INTS6: variants seen among roughly 807,000 people sequenced by gnomAD.
The protein encoded by INTS6 is DEAD box protein.
INTS6 carries 16 observed loss-of-function variants against 104.9 expected under a neutral mutation model. The ratio of observed to expected loss-of-function variants is 0.15; its 90% CI spans 0.10 to 0.23. The LOEUF is 0.23. INTS6 is among the 10% of genes least tolerant of loss of function. The pLI, the probability that INTS6 is intolerant of heterozygous loss-of-function variation, is 1.00. For synonymous variants in INTS6, 324 were observed against 358.7 expected, an observed-to-expected ratio of 0.90 and a Z score of 1.09; for missense variants, 584 against 1,062.8, an observed-to-expected ratio of 0.55 and a Z score of 6.26.
At chr13:51,367,230 A>G (rs1051919776) in intron 17 of INTS6, among the ~76,000 whole-genome samples, 1 of 151,134 alleles carries the variant, frequency 6.6e-6, no homozygotes, top group African/African-American at 2.4e-5. Flanking sequence ...AAATGACAAG[A>G]AAAAAAAAGC....
In INTS6 at chr13:51,450,864, T is replaced by C. The variant is rs2277444; in HGVS notation, c.339+161A>G. The C allele has an allele frequency of 4.1e-5, 51 of 1,243,846 alleles. No homozygotes were observed. The African/African-American group carries it at 5.9e-4, about 14-fold the overall frequency. 77.1% of individuals were successfully genotyped at this position (1,243,846 alleles called of 1,614,324 possible). A position where few individuals can be genotyped will look rare whatever the true frequency, so the allele number is the denominator to read the frequency against. On this transcript the variant is annotated intron_variant, in intron 3 of 17. Coordinates refer to ENST00000311234, the MANE Select transcript of INTS6 (RefSeq NM_012141.3). Reference sequence around the variant, plus strand: ...GGGAAAAAATGAGGGATGTAAAATATATATAGTAGGGTAAGAGTTTTGCCT... The same window carrying C: ...GGGAAAAAATGAGGGATGTAAAATACATATAGTAGGGTAAGAGTTTTGCCT...
In INTS6 at chr13:51,452,427, C is replaced by T. The variant is rs1372514523; in HGVS notation, c.99G>A (p.Glu33=). The T allele has an allele frequency of 6.2e-7, 1 of 1,609,252 alleles. No individual in the cohort carries two copies. Among genetic ancestry groups the T allele is most frequent in the Non-Finnish European group, 8.5e-7 (1 of 1,177,548 alleles). The change falls in exon 1 of 18, where the codon GAG becomes GAA. Residue 33 remains glutamate (E), a synonymous_variant. Transcript: ENST00000311234. This position sits in a 1 kb window ranked among gnomAD's most constrained non-coding sequence, Gnocchi z 4.2. ...TYLDTAKGAV[E]TFMKLRARDP... Reference sequence around the variant, plus strand: ...GGTCAGTCGGTACCTTCATGAAGGTCTCTACCGCGCCTTTGGCCGTGTCCA... The same window carrying T: ...GGTCAGTCGGTACCTTCATGAAGGTTTCTACCGCGCCTTTGGCCGTGTCCA...
intron 4 of INTS6, among the ~76,000 whole-genome samples, chr13:51,418,429 C>A: frequency 6.6e-6 from 1 of 150,962 alleles, no homozygotes; most frequent in Non-Finnish European, 1.5e-5. Context: ...TACTATTATC[C>A]AATATAAGCA....
the INTS6 span, among the ~76,000 whole-genome samples, chr13:51,345,569 T>G: frequency 8.4e-6 from 1 of 118,498 alleles, no homozygotes; most frequent in African/African-American, 3.2e-5. Context: ...CACTCCAGCT[T>G]GGGCAACAGT....
chr13:51,435,313 A>G (rs1452490608), intron 3 of INTS6, among the ~76,000 whole-genome samples: 1 of 151,996 alleles, frequency 6.6e-6, no homozygotes, highest in Non-Finnish European at 1.5e-5. Context: ...TTCTAGCTCT[A>G]GAGCTACTTA....
chr13:51,339,054 G>A, the INTS6 span, among the ~76,000 whole-genome samples: 5 of 152,242 alleles, frequency 3.3e-5, no homozygotes, highest in East Asian at 5.8e-4. Context: ...GTGTCTACTC[G>A]TTGACAACAT....
chr13:51,400,243 T>G (rs1956411571), intron 4 of INTS6, among the ~76,000 whole-genome samples: 4 of 152,230 alleles, frequency 2.6e-5, no homozygotes, highest in African/African-American at 9.6e-5. Flanking sequence ...CCAAAAAGGT[T>G]GGGGACAGCT....
In INTS6 at chr13:51,369,184, A is replaced by G. The variant is rs146070799; in HGVS notation, c.2231T>C (p.Leu744Ser). The change falls in exon 16 of 18, where the codon TTA (leucine) becomes TCA (serine). Residue 744 changes from leucine to serine, a missense_variant. By Grantham distance (145) the Leu-to-Ser change is moderately radical. Transcript: ENST00000311234. ...CATATGATTGGTTGGCCGTTCCAGTAAACTGGCTGGAGAAGATGCTGAAAA... is the reference window on the plus strand; with the variant it reads ...CATATGATTGGTTGGCCGTTCCAGTGAACTGGCTGGAGAAGATGCTGAAAA... ...TEFSASSPAS[L>S]LERPTNHMEA... The G allele has an allele frequency of 1.1e-3, 1,752 of 1,613,914 alleles. 2 individuals are homozygous for G. The highest frequency in any genetic ancestry group is 1.4e-3 in the Non-Finnish European group (1,619 of 1,179,852).
chr13:51,364,523 C>T lies in INTS6; in HGVS notation c.*1229G>A. Reference sequence around the variant, plus strand: ...GCTTACCCCCCAAACCACTAAAAGGCACAGCAGTGATCATGAATGGTGAGT... The same window carrying T: ...GCTTACCCCCCAAACCACTAAAAGGTACAGCAGTGATCATGAATGGTGAGT... On this transcript the variant is annotated 3_prime_UTR_variant, in exon 18 of 18. Transcript: ENST00000311234. 2.5e-6 allele frequency: 1 copy of T among 393,802 alleles called. No individual in the cohort carries two copies. Among genetic ancestry groups the T allele is most frequent in the East Asian group, 4.3e-5 (1 of 23,132 alleles). The allele number at this position is 393,802 out of a possible 1,614,324, so 24.4% of individuals were successfully genotyped here. A position where few individuals can be genotyped will look rare whatever the true frequency, so the allele number is the denominator to read the frequency against.
At chr13:51,390,104 T>C (rs1280063061) in intron 5 of INTS6, among the ~76,000 whole-genome samples, 1 of 152,052 alleles carries the variant, frequency 6.6e-6, no homozygotes, top group South Asian at 2.1e-4. Flanking sequence ...CATTAAATAC[T>C]AGTGATTTTT....
chr13:51,383,444 A>G lies in INTS6; in HGVS notation c.1065T>C (p.Ser355=). 7 of 1,613,852 alleles carry G rather than the reference A, an allele frequency of 4.3e-6. No individual in the cohort carries two copies. Among genetic ancestry groups the G allele is most frequent in the Non-Finnish European group, 5.9e-6 (7 of 1,179,888 alleles). The part of the protein sequence containing the change: ...QTCWQVYVSN[S]AKYSELGHPF... Reference sequence around the variant, plus strand: ...GATGACCAAGTTCACTGTATTTTGCACTATTGCTCACGTACACCTGTTAAA... The same window carrying G: ...GATGACCAAGTTCACTGTATTTTGCGCTATTGCTCACGTACACCTGTTAAA... Residue 355 remains serine (S), a synonymous_variant, in exon 9 of 18, where the codon AGT becomes AGC. Transcript: ENST00000311234.
chr13:51,439,299 C>T (rs1484461760), intron 3 of INTS6: 1 of 152,080 alleles, frequency 6.6e-6, no homozygotes, highest in African/African-American at 2.4e-5. Context: ...ACAGATAAAA[C>T]AGGCAATAAA....
chr13:51,433,546 A>G (rs1957135659), intron 3 of INTS6, among the ~76,000 whole-genome samples: 1 of 152,252 alleles, frequency 6.6e-6, no homozygotes. Flanking sequence ...GCAAGAGATT[A>G]ATCATACTTC....
chr13:51,363,340 C>T lies in INTS6; in HGVS notation c.*2412G>A, dbSNP rs889015761. 19 of 151,938 alleles carry T rather than the reference C, an allele frequency of 1.3e-4. No individual in the cohort carries two copies. Among genetic ancestry groups the T allele is most frequent in the African/African-American group, 4.6e-4 (19 of 41,418 alleles). The allele number at this position is 151,938 out of a possible 1,614,324, so 9.4% of individuals were successfully genotyped here. The stretch of plus-strand genomic sequence containing the variant: ...TCTAATAGTCCTTGTGACTTTACCT[C>T]TATCTGGGAGGCATTAGCCTACATC... On this transcript the variant is annotated 3_prime_UTR_variant, in exon 18 of 18. Transcript: ENST00000311234.
chr13:51,348,393 T>C, the INTS6 span: 3 of 1,613,592 alleles, frequency 1.9e-6, no homozygotes, highest in Non-Finnish European at 1.7e-6. Context: ...AGAGCCAGGA[T>C]GGATGTGTTC....
rs201277531 is a variant in INTS6, at chr13:51,429,785, AATAT to A, written c.429+505_429+508del. Among the ~76,000 whole-genome samples the A allele has an allele frequency of 3.6e-3, 333 of 92,264 alleles. 7 individuals carry two copies. The highest frequency in any genetic ancestry group is 6.1e-3 in the South Asian group (16 of 2,606). 60.5% of individuals were successfully genotyped at this position (92,264 alleles called of 152,430 possible). On this transcript the variant is annotated intron_variant, in intron 4 of 17. Coordinates refer to ENST00000311234, the MANE Select transcript of INTS6 (RefSeq NM_012141.3). ...TCTCAAAAAAAAAAAAAAAAAAAAA[AATAT>A]ATATATATATATATATATATGTATA...
At chr13:51,399,112 T>G (rs558255465) in intron 4 of INTS6, among the ~76,000 whole-genome samples, 29 of 152,234 alleles carry the variant, frequency 1.9e-4, no homozygotes, top group Non-Finnish European at 3.7e-4. Context: ...GGTTTATGGC[T>G]TCTTTCATCA....
intron 17 of INTS6, 30 bp downstream of exon 17, chr13:51,367,775 C>G (rs776308988): frequency 1.3e-5 from 16 of 1,255,678 alleles, no homozygotes; most frequent in Non-Finnish European, 1.8e-5. Context: ...CATTTCATCA[C>G]CATTTCATTA....
chr13:51,450,953 G>C (rs942279950), intron 3 of INTS6, 72 bp downstream of exon 3: 1 of 1,399,708 alleles, frequency 7.1e-7, no homozygotes, highest in African/African-American at 1.5e-5. Flanking sequence ...ATGTTATGTA[G>C]TTTTTGGACT....
Sources: gnomAD v4.1 joint callset for allele counts (sites outside exome capture counted in the v4.1 genomes callset) on GRCh38, gnomAD v4.1.1 for gene constraint, Gnocchi (gnomAD v3.1) non-coding constraint, MANE v1.5 for transcripts, NCBI Gene and HGNC (gene_info 2026-07-23, HGNC 2026-07-21) for gene names.